NEAT1: variants seen among roughly 807,000 people sequenced by gnomAD.
NEAT1 encodes nuclear paraspeckle assembly transcript 1, also known as MENepsilon/beta.
chr11:65,438,160 T>C (rs1443847801), exon 1 of NEAT1: 1 of 152,214 alleles, frequency 6.6e-6, no homozygotes, highest in Non-Finnish European at 1.5e-5. Flanking sequence ...TTACAAAATA[T>C]GTTGCCATGC....
At chr11:65,444,934 T>C (rs1856753039) in exon 1 of NEAT1, 1 of 197,402 alleles carries the variant, frequency 5.1e-6, no homozygotes, top group African/African-American at 2.4e-5. Context: ...CAGAGAACCA[T>C]TTCCACTAGG....
rs1254477830 is a variant in NEAT1 at position 65,437,193 on chromosome 11, ATG to A, written n.14398_14399del. Reference sequence around the variant, plus strand: ...ATTTTGCTCTTTAGTTTATATATATATGTATATATATATATATGTATATATAT... The same window carrying A: ...ATTTTGCTCTTTAGTTTATATATATATATATATATATATATGTATATATAT... On this transcript the variant is annotated non_coding_transcript_exon_variant, in exon 1 of 1. Transcript: ENST00000501122. 1.4e-4 allele frequency: 18 copies of A among 132,700 alleles called. No homozygotes were observed. In the Admixed American group the frequency reaches 1.5e-3, roughly 11 times the overall value. 8.2% of individuals were successfully genotyped at this position (132,700 alleles called of 1,614,324 possible).
chr11:65,425,168 C>T (rs1856548526), exon 1 of NEAT1: 1 of 152,130 alleles, frequency 6.6e-6, no homozygotes, highest in African/African-American at 2.4e-5. Context: ...TGCTTAGAAA[C>T]TTTCCAAAGT....
chr11:65,444,689 A>G, exon 1 of NEAT1: 1 of 357,026 alleles, frequency 2.8e-6, no homozygotes, highest in South Asian at 2.1e-5. Context: ...GTACCGGCTG[A>G]GGGTCCAGGT....
chr11:65,439,350 A>G (rs538706461), exon 1 of NEAT1: 2 of 152,310 alleles, frequency 1.3e-5, no homozygotes, highest in South Asian at 2.1e-4. Flanking sequence ...CACTTTATCG[A>G]TAATGTCCTT....
exon 1 of NEAT1, chr11:65,442,320 T>TCCCCCGC (rs1590676379): frequency 6.7e-6 from 1 of 150,016 alleles, no homozygotes; most frequent in African/African-American, 2.5e-5. Flanking sequence ...AGGAGTGTAG[T>TCCCCCGC]CCCCCGCCCC....
At chr11:65,445,365 T>A (rs560178365) in exon 1 of NEAT1, 1 of 148,510 alleles carries the variant, frequency 6.7e-6, no homozygotes, top group East Asian at 2.1e-4. Context: ...GGGGACAATG[T>A]CCCCTGGCTA....
chr11:65,438,591 CTCTG>C (rs1856686826), exon 1 of NEAT1: 1 of 152,156 alleles, frequency 6.6e-6, no homozygotes, highest in Non-Finnish European at 1.5e-5. Context: ...TTGTTGTGCT[CTCTG>C]TCTGTGTGAA....
chr11:65,435,204 G>A (rs1856648060), exon 1 of NEAT1: 1 of 152,158 alleles, frequency 6.6e-6, no homozygotes, highest in South Asian at 2.1e-4. Context: ...GGGCTGTGGA[G>A]TGTATGAATT....
At chr11:65,425,894 T>C (rs1398834837) in exon 1 of NEAT1, 1 of 152,206 alleles carries the variant, frequency 6.6e-6, no homozygotes, top group Non-Finnish European at 1.5e-5. Context: ...ACAGAATCCA[T>C]GTACCTTTGC....
chr11:65,427,015 T>C (rs572376745), exon 1 of NEAT1: 3 of 152,304 alleles, frequency 2.0e-5, no homozygotes, highest in East Asian at 1.9e-4. Flanking sequence ...GAATTTGCCT[T>C]GTTTTTTTCC....
chr11:65,433,575 A>G (rs1856631736), exon 1 of NEAT1: 1 of 152,206 alleles, frequency 6.6e-6, no homozygotes, highest in Admixed American at 6.5e-5. Context: ...TATGGTTACA[A>G]TGAACACTCC....
chr11:65,437,216 T>TATATATATATACATATATATATAC (rs1349427634), exon 1 of NEAT1: 1 of 142,830 alleles, frequency 7.0e-6, no homozygotes, highest in African/African-American at 2.7e-5. Flanking sequence ...TATATGTATA[T>TATATATATATACATATATATATAC]ATATATATAT....
exon 1 of NEAT1, chr11:65,438,664 C>CT (rs1856687613): frequency 2.0e-5 from 3 of 152,144 alleles, no homozygotes; most frequent in African/African-American, 4.8e-5. Flanking sequence ...CTTTTTGGGT[C>CT]TGTCTGATTT....
chr11:65,423,046 T>A (rs1856514307), exon 1 of NEAT1: 2 of 152,066 alleles, frequency 1.3e-5, no homozygotes, highest in South Asian at 2.1e-4. Context: ...AGGCTGTCCC[T>A]ACTGCCTGGT....
exon 1 of NEAT1, chr11:65,437,183 TTA>T (rs1197288595): frequency 1.8e-4 from 25 of 139,096 alleles, no homozygotes; most frequent in African/African-American, 3.8e-4. Context: ...GCTCTTTAGT[TTA>T]TATATATATG....
exon 1 of NEAT1, chr11:65,438,854 T>A (rs1344532625): frequency 6.6e-6 from 1 of 152,224 alleles, no homozygotes; most frequent in South Asian, 2.1e-4. Flanking sequence ...TATGAACAGT[T>A]GCGTACAAGT....
exon 1 of NEAT1, chr11:65,427,776 T>C (rs1856576276): frequency 6.6e-6 from 1 of 152,192 alleles, no homozygotes; most frequent in Admixed American, 6.6e-5. Context: ...CAGAACTCCT[T>C]GTTTCTCGTC....
exon 1 of NEAT1, chr11:65,441,903 C>T (rs781359481): frequency 1.3e-5 from 2 of 152,196 alleles, no homozygotes; most frequent in African/African-American, 2.4e-5. Flanking sequence ...GCTGCACAGT[C>T]GAGGGTGTGA....
Sources: gnomAD v4.1 joint callset for allele counts on GRCh38, gnomAD v4.1.1 for gene constraint, MANE v1.5 for transcripts, NCBI Gene and HGNC (gene_info 2026-07-23, HGNC 2026-07-21) for gene names.